Variants in BCL2 observed in about 807,000 individuals in gnomAD.
BCL2 encodes the protein BCL2 apoptosis regulator.
A neutral mutation model predicts 14.2 loss-of-function variants in BCL2; 1 was observed. The ratio of observed to expected loss-of-function variants is 0.07; its 90% confidence interval spans 0.02 to 0.33. BCL2 has a LOEUF of 0.33. Ranked by LOEUF, BCL2 falls within the 10% of genes least tolerant of loss-of-function variation. The pLI is 0.99. For missense variants in BCL2, 247 were observed against 305.9 expected (o/e 0.81, Z 1.44); for synonymous variants, 151 against 137.2 (o/e 1.10, Z -0.70).
intron 2 of BCL2, among the ~76,000 whole-genome samples, chr18:63,150,932 A>G (rs1224012194): frequency 1.3e-5 from 2 of 152,026 alleles, no homozygotes; most frequent in African/African-American, 2.4e-5. Flanking sequence ...AACACTCCTC[A>G]AAGGTTACTA....
intron 2 of BCL2, among the ~76,000 whole-genome samples, chr18:63,292,055 G>C (rs907688469): frequency 1.3e-5 from 2 of 152,122 alleles, no homozygotes; most frequent in Non-Finnish European, 2.9e-5. Context: ...ACAGTGAAGA[G>C]AGTCCAGGTA....
At chr18:63,160,116 C>A (rs980222356) in intron 2 of BCL2, among the ~76,000 whole-genome samples, 7 of 152,162 alleles carry the variant, frequency 4.6e-5, no homozygotes, top group Non-Finnish European at 7.3e-5. Context: ...CAGAAAGAGC[C>A]CTTGGAGCCA....
At chr18:63,178,862 G>A (rs1915411027) in intron 2 of BCL2, among the ~76,000 whole-genome samples, 1 of 150,156 alleles carries the variant, frequency 6.7e-6, no homozygotes, top group Non-Finnish European at 1.5e-5. Context: ...AATTTAAAGG[G>A]CAGGTTCCCA....
chr18:63,147,683 C>T (rs1449116507), intron 2 of BCL2, among the ~76,000 whole-genome samples: 2 of 152,148 alleles, frequency 1.3e-5, no homozygotes, highest in African/African-American at 4.8e-5. Context: ...GCATGAAAAA[C>T]ATATTCCAAT....
At chr18:63,146,425 G>A (rs4987815) in intron 2 of BCL2, among the ~76,000 whole-genome samples, 1 of 152,232 alleles carries the variant, frequency 6.6e-6, no homozygotes, top group Non-Finnish European at 1.5e-5. Flanking sequence ...ACTAGAGGCA[G>A]TGTGGTTACC....
chr18:63,237,745 C>T (rs1160759404), intron 2 of BCL2, among the ~76,000 whole-genome samples: 2 of 152,134 alleles, frequency 1.3e-5, no homozygotes, highest in Non-Finnish European at 2.9e-5. Context: ...AGACAAAACA[C>T]GGCAAGGATT....
intron 2 of BCL2, among the ~76,000 whole-genome samples, chr18:63,171,739 C>A (rs992684510): frequency 6.6e-6 from 1 of 152,176 alleles, no homozygotes; most frequent in Admixed American, 6.5e-5. Context: ...ACTTGGGAGG[C>A]CAAAGCTGGA....
intron 2 of BCL2, among the ~76,000 whole-genome samples, chr18:63,131,114 G>T (rs1340164835): frequency 6.6e-6 from 1 of 152,114 alleles, no homozygotes; most frequent in Admixed American, 6.5e-5. Flanking sequence ...AATGCTAACA[G>T]GGCCGAGGCT....
chr18:63,128,825 C>A, intron 2 of BCL2, 66 bp from the exon 3 acceptor site: 2 of 695,520 alleles, frequency 2.9e-6, no homozygotes, highest in South Asian at 1.6e-5. Flanking sequence ...GAATGCCACC[C>A]CACAGAGAAA....
intron 2 of BCL2, among the ~76,000 whole-genome samples, chr18:63,221,525 T>G (rs1481393158): frequency 6.6e-6 from 1 of 152,202 alleles, no homozygotes; most frequent in Admixed American, 6.5e-5. Flanking sequence ...TAAGGCTGAC[T>G]ACACAGTGCT....
In BCL2 at chr18:63,180,490, G is replaced by A. The variant is rs368799342; in HGVS notation, c.586-51731C>T. Among the ~76,000 whole-genome samples the A allele has an allele frequency of 1.7e-3, 254 of 152,350 alleles. 2 individuals are homozygous for A. Among genetic ancestry groups the A allele is most frequent in the African/African-American group, 5.5e-3 (229 of 41,564 alleles). ...CTGCTTCCCCTGGAGAGAGAAGGTG[G>A]AGGCAGAAGCTGTCCGCCCACCCCA... On this transcript the variant is annotated intron_variant, in intron 2 of 2. Transcript: ENST00000333681.
In BCL2 at chr18:63,284,648, CA is replaced by C. The variant is rs4987734; in HGVS notation, c.585+33433del. 6.5e-3 allele frequency among the ~76,000 whole-genome samples: 988 copies of C among 152,120 alleles called. 11 individuals carry two copies. Among genetic ancestry groups the C allele is most frequent in the African/African-American group, 0.023 (941 of 41,498 alleles). On this transcript the variant is annotated intron_variant, in intron 2 of 2. Transcript: ENST00000333681. The stretch of plus-strand genomic sequence containing the variant: ...CTTCATTAGTTTGAAATTTTAAATC[CA>C]AAAAAAGCTACCTTCAAATGTATGA...
intron 2 of BCL2, among the ~76,000 whole-genome samples, chr18:63,228,243 C>G (rs1166511727): frequency 6.6e-6 from 1 of 152,170 alleles, no homozygotes; most frequent in Non-Finnish European, 1.5e-5. Flanking sequence ...TCCCAAAGGC[C>G]TCATCTCCAA....
intron 2 of BCL2, among the ~76,000 whole-genome samples, chr18:63,174,911 T>A (rs916121892): frequency 6.6e-6 from 1 of 151,592 alleles, no homozygotes; most frequent in Non-Finnish European, 1.5e-5. Context: ...TTTTGTGGAA[T>A]TCCATTAAGA....
chr18:63,311,373 T>C (rs1040156977), intron 2 of BCL2, among the ~76,000 whole-genome samples: 1 of 152,216 alleles, frequency 6.6e-6, no homozygotes, highest in Non-Finnish European at 1.5e-5. Context: ...GTATTAAAAT[T>C]GGTAAACTCA....
chr18:63,183,471 T>A (rs1474918359), intron 2 of BCL2, among the ~76,000 whole-genome samples: 1 of 152,172 alleles, frequency 6.6e-6, no homozygotes, highest in Non-Finnish European at 1.5e-5. Flanking sequence ...CCCATGGGCA[T>A]GGGACAGCTG....
intron 2 of BCL2, among the ~76,000 whole-genome samples, chr18:63,196,115 C>A (rs1909437970): frequency 2.0e-5 from 3 of 152,126 alleles, no homozygotes; most frequent in Admixed American, 1.3e-4. Flanking sequence ...CTCTTGGAGA[C>A]CTAAGCTCCT....
At position 63,264,138 on chromosome 18, in the gene BCL2, G is replaced by A. The variant is rs181837837; in HGVS notation, c.585+53944C>T. Among the ~76,000 whole-genome samples, 27 of 152,324 alleles carry A rather than the reference G, an allele frequency of 1.8e-4. No individual in the cohort carries two copies. In the East Asian group the frequency reaches 4.4e-3, roughly 25 times the overall value. Reference sequence around the variant, plus strand: ...TGCAGATGGCCCCGCCTTTGAATCCGCGGACTGCACCTTACCCGTCTTCAC... The same window carrying A: ...TGCAGATGGCCCCGCCTTTGAATCCACGGACTGCACCTTACCCGTCTTCAC... On this transcript the variant is annotated intron_variant, in intron 2 of 2. Coordinates refer to ENST00000333681, the MANE Select transcript of BCL2 (RefSeq NM_000633.3).
chr18:63,279,900 G>C (rs1912260482), intron 2 of BCL2, among the ~76,000 whole-genome samples: 1 of 152,180 alleles, frequency 6.6e-6, no homozygotes, highest in Non-Finnish European at 1.5e-5. Context: ...AAATGTGTAA[G>C]GAAAGTAAGG....
Sources: gnomAD v4.1 joint callset for allele counts (sites outside exome capture counted in the v4.1 genomes callset) on GRCh38, gnomAD v4.1.1 for gene constraint, MANE v1.5 for transcripts, NCBI Gene and HGNC (gene_info 2026-07-23, HGNC 2026-07-21) for gene names.